Variants in SLC6A4 observed in about 807,000 individuals in gnomAD.
The protein encoded by SLC6A4 is sodium-dependent serotonin transporter.
SLC6A4 carries 22 observed loss-of-function variants against 73.4 expected under a neutral mutation model. The observed-to-expected ratio is 0.30, with a 90% CI of 0.21 to 0.43. The LOEUF is 0.43. Among genes scored for constraint, SLC6A4 ranks in the 20% least tolerant of loss-of-function variants. The pLI is 1.00. For missense variants in SLC6A4, 593 were observed against 808.5 expected (o/e 0.73, Z 3.23); for synonymous variants, 270 against 315.5 (o/e 0.86, Z 1.53).
At position 30,222,905 on chromosome 17, in the gene SLC6A4, C is replaced by G; in HGVS notation, c.-210G>C. ...GAGAGGGCAAGCAAGGTCGCCTTGCCTCCAGGAGACCTAGGGAGAAGAGTG... is the reference window on the plus strand; with the variant it reads ...GAGAGGGCAAGCAAGGTCGCCTTGCGTCCAGGAGACCTAGGGAGAAGAGTG... On this transcript the variant is annotated 5_prime_UTR_variant, in exon 2 of 15. Coordinates refer to ENST00000650711, the MANE Select transcript of SLC6A4 (RefSeq NM_001045.6). 8.6e-7 allele frequency: 1 copy of G among 1,158,124 alleles called. No homozygotes were observed. The highest frequency in any genetic ancestry group is 1.2e-6 in the Non-Finnish European group (1 of 856,564). 71.7% of individuals were successfully genotyped at this position (1,158,124 alleles called of 1,614,324 possible). A position where few individuals can be genotyped will look rare whatever the true frequency, so the allele number is the denominator to read the frequency against.
chr17:30,215,901 G>A (rs941990074), intron 7 of SLC6A4, among the ~76,000 whole-genome samples, 181 bp downstream of exon 7: 1 of 152,126 alleles, frequency 6.6e-6, no homozygotes, highest in Non-Finnish European at 1.5e-5. Flanking sequence ...CTATGATTCA[G>A]GCATAAACCC....
Position 30,216,187 on chromosome 17 carries a change from A to G in SLC6A4, c.867T>C (p.Tyr289=). ...KVVWVTATFP[Y]IILSVLLVRG... ...TCACCAGCAGGACAGAAAGGATGAT[A>G]TAAGGGAAGGTGGCTGTCACCCACA... is the stretch of plus-strand genomic sequence containing the variant. The change falls in exon 7 of 15, where the codon TAT becomes TAC. Residue 289 remains tyrosine, a synonymous_variant. Coordinates refer to ENST00000650711, the MANE Select transcript of SLC6A4 (RefSeq NM_001045.6). 1 of 1,600,946 alleles carries G rather than the reference A, an allele frequency of 6.2e-7. No individual in the cohort carries two copies.
At chr17:30,229,136 T>G (rs1907013123) in intron 1 of SLC6A4, among the ~76,000 whole-genome samples, 1 of 152,166 alleles carries the variant, frequency 6.6e-6, no homozygotes, top group African/African-American at 2.4e-5. Flanking sequence ...GAGGGCTGCC[T>G]TAACAGTCAT....
At chr17:30,230,082 A>G in intron 1 of SLC6A4, among the ~76,000 whole-genome samples, 1 of 123,980 alleles carries the variant, frequency 8.1e-6, no homozygotes, top group African/African-American at 4.2e-5. Flanking sequence ...GAAGAAGAAG[A>G]AGAAGAAGAA....
In SLC6A4 at chr17:30,216,823, C is replaced by T. The variant is rs1906588842; in HGVS notation, c.837+343G>A. 2.6e-5 allele frequency among the ~76,000 whole-genome samples: 4 copies of T among 151,700 alleles called. No individual in the cohort carries two copies. The East Asian group carries it at 5.8e-4, about 22-fold the overall frequency. ...AGCTGGGATTACAGGCACCTGCCAC[C>T]ACACCTGGCTATTGTTTTTTTTTGT... On this transcript the variant is annotated intron_variant, in intron 6 of 14. Coordinates refer to ENST00000650711, the MANE Select transcript of SLC6A4 (RefSeq NM_001045.6).
intron 3 of SLC6A4, 138 bp downstream of exon 3, chr17:30,221,478 C>T (rs1256772731): frequency 1.7e-5 from 11 of 661,456 alleles, no homozygotes; most frequent in Admixed American, 8.2e-5. Context: ...ACAGCCCACC[C>T]GGGTCACAGC....
chr17:30,212,974 G>C (rs978589666), intron 8 of SLC6A4, 107 bp from the exon 9 acceptor site: 2 of 1,221,204 alleles, frequency 1.6e-6, no homozygotes, highest in East Asian at 2.5e-5. Context: ...GCCACAGCAA[G>C]GACAAGCAGG....
chr17:30,226,871 T>TAAAAAAAAAAAA (rs1253577503), intron 1 of SLC6A4, among the ~76,000 whole-genome samples: 1 of 29,300 alleles, frequency 3.4e-5, no homozygotes. Flanking sequence ...AGACTCTGTC[T>TAAAAAAAAAAAA]CAAAAAAAAA....
intron 1 of SLC6A4, among the ~76,000 whole-genome samples, chr17:30,232,435 G>A (rs1339689315): frequency 6.6e-6 from 1 of 152,252 alleles, no homozygotes; most frequent in African/African-American, 2.4e-5. Context: ...GTCAGTACCT[G>A]AAGACCTGGG....
At chr17:30,230,373 C>T (rs1907076860) in intron 1 of SLC6A4, among the ~76,000 whole-genome samples, 1 of 152,198 alleles carries the variant, frequency 6.6e-6, no homozygotes. Flanking sequence ...CACTCCTTTA[C>T]TGTTGTGATA....
intron 13 of SLC6A4, among the ~76,000 whole-genome samples, chr17:30,204,130 A>C (rs1906118615): frequency 6.6e-6 from 1 of 152,258 alleles, no homozygotes; most frequent in African/African-American, 2.4e-5. Context: ...GTGTGCTCCC[A>C]ACACCCAGTT....
At chr17:30,215,873 C>A (rs1055750624) in intron 7 of SLC6A4, among the ~76,000 whole-genome samples, 159 bp from the exon 8 acceptor site, 1 of 152,178 alleles carries the variant, frequency 6.6e-6, no homozygotes, top group Non-Finnish European at 1.5e-5. Flanking sequence ...CAAGTGCCAA[C>A]AAATGTGATT....
At chr17:30,230,098 GGAGGAA>G (rs1170384159) in intron 1 of SLC6A4, among the ~76,000 whole-genome samples, 14 of 89,628 alleles carry the variant, frequency 1.6e-4, no homozygotes, top group East Asian at 1.2e-3. Context: ...AAGAAGAAGA[GGAGGAA>G]GAGGAAGAGG....
At position 30,212,887 on chromosome 17, in the gene SLC6A4, G is replaced by A; in HGVS notation, c.1077-20C>T. The A allele has an allele frequency of 6.2e-7, 1 of 1,613,676 alleles. No individual in the cohort carries two copies. The highest frequency in any genetic ancestry group is 8.5e-7 in the Non-Finnish European group (1 of 1,179,836). ...GCATCTCTGGAGGGGAAAACCCAAG[G>A]GGCCGCCTGAGACAGTTCCAAGATC... On this transcript the variant is annotated intron_variant, in intron 8 of 14. Coordinates refer to ENST00000650711, the MANE Select transcript of SLC6A4 (RefSeq NM_001045.6).
chr17:30,214,634 C>CTTT (rs753290326), intron 8 of SLC6A4, among the ~76,000 whole-genome samples: 17 of 132,344 alleles, frequency 1.3e-4, no homozygotes, highest in Non-Finnish European at 1.8e-4. Flanking sequence ...TTCTTTCTTT[C>CTTT]TTTTTTTTTT....
intron 13 of SLC6A4, chr17:30,206,439 C>T (rs1420716731): frequency 6.6e-6 from 1 of 152,152 alleles, no homozygotes; most frequent in Non-Finnish European, 1.5e-5. Context: ...CATCTCAACA[C>T]GTGGACAACC....
At position 30,198,251 on chromosome 17, in the gene SLC6A4, C is replaced by T; in HGVS notation, c.*205G>A. 1 of 463,790 alleles carries T rather than the reference C, an allele frequency of 2.2e-6. No individual in the cohort carries two copies. Among genetic ancestry groups the T allele is most frequent in the East Asian group, 3.3e-5 (1 of 29,958 alleles). 28.7% of individuals were successfully genotyped at this position (463,790 alleles called of 1,614,324 possible). A position where few individuals can be genotyped will look rare whatever the true frequency, so the allele number is the denominator to read the frequency against. On this transcript the variant is annotated 3_prime_UTR_variant, in exon 15 of 15. Coordinates refer to ENST00000650711, the MANE Select transcript of SLC6A4 (RefSeq NM_001045.6). ...GCCAGCTCAGCTGTGTCACAGTCTA[C>T]CATGGGAATATGTCCAGGGGAATCC...
At chr17:30,203,521 A>G (rs1190241310) in intron 13 of SLC6A4, 182 bp from the exon 14 acceptor site, 5 of 590,508 alleles carry the variant, frequency 8.5e-6, no homozygotes, top group Non-Finnish European at 1.5e-5. Flanking sequence ...CCAAGCTGCA[A>G]GACTACACCA....
At chr17:30,214,879 C>G (rs563718563) in intron 8 of SLC6A4, among the ~76,000 whole-genome samples, 1 of 151,854 alleles carries the variant, frequency 6.6e-6, no homozygotes, top group African/African-American at 2.4e-5. Flanking sequence ...GTGATCCACC[C>G]GCCTCGGCCT....
Sources: gnomAD v4.1 joint callset for allele counts (sites outside exome capture counted in the v4.1 genomes callset) on GRCh38, gnomAD v4.1.1 for gene constraint, MANE v1.5 for transcripts, NCBI Gene and HGNC (gene_info 2026-07-23, HGNC 2026-07-21) for gene names.